FOXK1: variants seen among roughly 807,000 people sequenced by gnomAD.
The protein encoded by FOXK1 is forkhead box protein K1.
A neutral mutation model predicts 51.9 loss-of-function variants in FOXK1; 19 were observed. The observed-to-expected ratio is 0.37, with a 90% CI of 0.26 to 0.54. The LOEUF (loss-of-function observed/expected upper bound fraction) is 0.54. Ranked by LOEUF, FOXK1 falls within the 20% of genes least tolerant of loss-of-function variation. FOXK1 has a pLI of 0.87. For missense variants in FOXK1, 870 were observed against 1,032.7 expected (o/e 0.84, Z 2.16); for synonymous variants, 537 against 482.6 (o/e 1.11, Z -1.48).
intron 1 of FOXK1, 40 bp from the exon 2 acceptor site, chr7:4,740,798 C>T: frequency 6.4e-7 from 1 of 1,564,640 alleles, no homozygotes; most frequent in Non-Finnish European, 8.6e-7. Context: ...CTTCTTGAGT[C>T]TCCTCCTGCA....
At position 4,732,235 on chromosome 7, in the gene FOXK1, G is replaced by C. The variant is rs535899960; in HGVS notation, c.561-8603G>C. ...CATTTGTTCAGTCCACAAGAACTCT[G>C]ATTATGCACCATCATTACCCCAGTT... On this transcript the variant is annotated intron_variant, in intron 1 of 8. Coordinates refer to ENST00000328914, the MANE Select transcript of FOXK1 (RefSeq NM_001037165.2). Among the ~76,000 whole-genome samples the C allele has an allele frequency of 2.0e-3, 312 of 152,358 alleles. 4 individuals carry two copies. Among genetic ancestry groups the C allele is most frequent in the Middle Eastern group, 6.8e-3 (2 of 294 alleles).
At chr7:4,692,748 A>G (rs1779908566) in intron 1 of FOXK1, among the ~76,000 whole-genome samples, 1 of 151,012 alleles carries the variant, frequency 6.6e-6, no homozygotes, top group Non-Finnish European at 1.5e-5. Flanking sequence ...TTTTTTTGAG[A>G]CAGTGTCTTG....
rs762393895 is a variant in FOXK1, at chr7:4,762,220, C to T, written c.1958C>T (p.Ala653Val). Residue 653 changes from alanine to valine, a missense_variant, in exon 9 of 9, where the codon GCG becomes GTG. By Grantham distance (64) the Ala-to-Val change is moderately conservative. Coordinates refer to ENST00000328914, the MANE Select transcript of FOXK1 (RefSeq NM_001037165.2). This position sits in a 1 kb window ranked among gnomAD's most constrained non-coding sequence, Gnocchi z 5.7. ...CCTTTGCAGCTCCTTGCGACCCAAG[C>T]GAGTTCATCCGCGCCGGTGGTGGTC... ...TSPLQLLATQ[A>V]SSSAPVVVTR... The T allele has an allele frequency of 3.2e-6, 5 of 1,555,300 alleles. No individual in the cohort carries two copies. The highest frequency in any genetic ancestry group is 2.7e-5 in the African/African-American group (2 of 73,100).
chr7:4,721,883 G>A (rs1374570687), intron 1 of FOXK1, among the ~76,000 whole-genome samples: 2 of 152,138 alleles, frequency 1.3e-5, no homozygotes, highest in African/African-American at 2.4e-5. Flanking sequence ...GAGCCACCAC[G>A]CCCGGCCTGT....
In FOXK1 at chr7:4,733,714, G is replaced by A. The variant is rs1780511395; in HGVS notation, c.561-7124G>A. On this transcript the variant is annotated intron_variant, in intron 1 of 8. Transcript: ENST00000328914. This position sits in a 1 kb window ranked among gnomAD's most constrained non-coding sequence, Gnocchi z 5.0. ...CCCACATGGGAACTGCATCCTGCAG[G>A]TATCGCTCGTGAAAACCGGCCTGGC... Among the ~76,000 whole-genome samples the A allele has an allele frequency of 6.6e-6, 1 of 152,198 alleles. No homozygotes were observed. The highest frequency in any genetic ancestry group is 2.1e-4 in the South Asian group (1 of 4,836).
At chr7:4,739,463 G>A (rs1338418581) in intron 1 of FOXK1, among the ~76,000 whole-genome samples, 1 of 152,224 alleles carries the variant, frequency 6.6e-6, no homozygotes, top group African/African-American at 2.4e-5. Context: ...CAACTTGATA[G>A]TTGCTGCCTC....
In FOXK1 at chr7:4,731,042, G is replaced by A. The variant is rs764491044; in HGVS notation, c.561-9796G>A. ...CATTTGCTGAACAGTCTTATTTCTC[G>A]GAGGAGTTTAAGCAAACACTGCAGG... On this transcript the variant is annotated intron_variant, in intron 1 of 8. Transcript: ENST00000328914. This position sits in a 1 kb window ranked among gnomAD's most constrained non-coding sequence, Gnocchi z 5.3. Among the ~76,000 whole-genome samples, 1 of 152,140 alleles carries A rather than the reference G, an allele frequency of 6.6e-6. No individual in the cohort carries two copies. The highest frequency in any genetic ancestry group is 2.4e-5 in the African/African-American group (1 of 41,430).
At chr7:4,694,664 T>C (rs1779931285) in intron 1 of FOXK1, among the ~76,000 whole-genome samples, 3 of 152,308 alleles carry the variant, frequency 2.0e-5, no homozygotes, top group Admixed American at 1.3e-4. Flanking sequence ...AATAGTATCA[T>C]AGCCTAGATT....
chr7:4,740,070 G>A (rs1197904047), intron 1 of FOXK1, among the ~76,000 whole-genome samples: 1 of 152,212 alleles, frequency 6.6e-6, no homozygotes. Context: ...TGAGGCAGGT[G>A]GATCACCTGA....
intron 1 of FOXK1, among the ~76,000 whole-genome samples, chr7:4,699,448 A>T (rs1779993754): frequency 1.3e-5 from 2 of 151,196 alleles, no homozygotes; most frequent in Admixed American, 1.3e-4. Flanking sequence ...GGCTCACTGC[A>T]GCGTCTGCCT....
chr7:4,699,501 G>T (rs895864170), intron 1 of FOXK1, among the ~76,000 whole-genome samples: 1 of 151,902 alleles, frequency 6.6e-6, no homozygotes, highest in Non-Finnish European at 1.5e-5. Flanking sequence ...CCGAGTAGCT[G>T]GGATTACAGG....
chr7:4,703,971 A>G lies in FOXK1; in HGVS notation c.560+21103A>G, dbSNP rs540175284. ...AAAAAATGCGTGTATACGTACCCCTACGTGTGGAAAACTGGCTACCGCATG... is the reference window on the plus strand; with the variant it reads ...AAAAAATGCGTGTATACGTACCCCTGCGTGTGGAAAACTGGCTACCGCATG... On this transcript the variant is annotated intron_variant, in intron 1 of 8. Coordinates refer to ENST00000328914, the MANE Select transcript of FOXK1 (RefSeq NM_001037165.2). This position sits in a 1 kb window ranked among gnomAD's most constrained non-coding sequence, Gnocchi z 5.6. Among the ~76,000 whole-genome samples the G allele has an allele frequency of 6.6e-6, 1 of 152,152 alleles. No homozygotes were observed. The highest frequency in any genetic ancestry group is 2.4e-5 in the African/African-American group (1 of 41,438).
chr7:4,760,411 G>C (rs1485754410), intron 7 of FOXK1, among the ~76,000 whole-genome samples: 3 of 152,216 alleles, frequency 2.0e-5, no homozygotes, highest in Non-Finnish European at 4.4e-5. Flanking sequence ...CCTCTCCGCG[G>C]TGGTGTTTGT....
chr7:4,698,398 A>G (rs563292170), intron 1 of FOXK1, among the ~76,000 whole-genome samples: 2 of 151,544 alleles, frequency 1.3e-5, no homozygotes, highest in East Asian at 3.9e-4. Flanking sequence ...TTCTCGCTTC[A>G]CCATATGCAA....
rs1055430124 is a variant in FOXK1 at position 4,703,262 on chromosome 7, C to T, written c.560+20394C>T. ...AGGAGTCAGGGAGACAGACCTCCAGCCATTGGGCCTCTCCGCTCTGGGGTG... is the reference window on the plus strand; with the variant it reads ...AGGAGTCAGGGAGACAGACCTCCAGTCATTGGGCCTCTCCGCTCTGGGGTG... On this transcript the variant is annotated intron_variant, in intron 1 of 8. Coordinates refer to ENST00000328914, the MANE Select transcript of FOXK1 (RefSeq NM_001037165.2). This position sits in a 1 kb window ranked among gnomAD's most constrained non-coding sequence, Gnocchi z 5.6. 3.3e-5 allele frequency among the ~76,000 whole-genome samples: 5 copies of T among 152,242 alleles called. No individual in the cohort carries two copies. Among genetic ancestry groups the T allele is most frequent in the African/African-American group, 1.2e-4 (5 of 41,540 alleles).
intron 5 of FOXK1, among the ~76,000 whole-genome samples, chr7:4,757,798 C>A (rs1780875950): frequency 6.6e-6 from 1 of 151,954 alleles, no homozygotes; most frequent in Non-Finnish European, 1.5e-5. Flanking sequence ...AATGCGACAC[C>A]ATTTCTATGA....
chr7:4,737,874 G>T (rs1468794783), intron 1 of FOXK1, among the ~76,000 whole-genome samples: 3 of 152,188 alleles, frequency 2.0e-5, no homozygotes, highest in Admixed American at 1.3e-4. Flanking sequence ...TGTAATCCCA[G>T]CATTTTAGGA....
At position 4,747,217 on chromosome 7, in the gene FOXK1, C is replaced by A. The variant is rs1203652222; in HGVS notation, c.746+6194C>A. ...TGACAAGCGGCTTGTGTGGAGTAGGCCTGTTGCATGGCTTCTGTGCGGGCA... is the reference window on the plus strand; with the variant it reads ...TGACAAGCGGCTTGTGTGGAGTAGGACTGTTGCATGGCTTCTGTGCGGGCA... On this transcript the variant is annotated intron_variant, in intron 2 of 8. Coordinates refer to ENST00000328914, the MANE Select transcript of FOXK1 (RefSeq NM_001037165.2). The surrounding 1 kb of genome is among the most constrained non-coding windows in gnomAD (Gnocchi z 9.2). 6.6e-6 allele frequency among the ~76,000 whole-genome samples: 1 copy of A among 152,168 alleles called. No homozygotes were observed. The highest frequency in any genetic ancestry group is 2.4e-5 in the African/African-American group (1 of 41,454).
At chr7:4,754,141 T>G (rs888211404) in intron 2 of FOXK1, among the ~76,000 whole-genome samples, 57 of 152,046 alleles carry the variant, frequency 3.7e-4, no homozygotes, top group Admixed American at 1.6e-3. Context: ...GGGGTGTGTG[T>G]GGGGGGACCT....
Sources: allele counts gnomAD v4.1 joint callset (sites outside exome capture counted in the v4.1 genomes callset), GRCh38; gene constraint gnomAD v4.1.1; non-coding constraint Gnocchi (gnomAD v3.1); transcripts MANE v1.5; gene names NCBI Gene and HGNC (gene_info 2026-07-23, HGNC 2026-07-21).